ZEB2: variants seen among roughly 807,000 people sequenced by gnomAD.
ZEB2 encodes the protein zinc finger E-box-binding homeobox 2.
ZEB2 carries 6 observed loss-of-function variants against 99.9 expected under a neutral mutation model. The ratio of observed to expected loss-of-function variants is 0.06; its 90% CI spans 0.03 to 0.12. The LOEUF (loss-of-function observed/expected upper bound fraction) is 0.12. Among genes scored for constraint, ZEB2 ranks in the 10% least tolerant of loss-of-function variants. The pLI is 1.00. For missense variants in ZEB2, 969 were observed against 1,502.8 expected, an observed-to-expected ratio of 0.64 and a Z score of 5.87; for synonymous variants, 517 against 542.5, an observed-to-expected ratio of 0.95 and a Z score of 0.65.
At chr2:144,503,778 T>G (rs1165938765) in intron 2 of ZEB2, 2 of 152,202 alleles carry the variant, frequency 1.3e-5, no homozygotes, top group African/African-American at 4.8e-5. Flanking sequence ...TTAGACATCT[T>G]AAGGTTTTGC....
chr2:144,470,175 T>C (rs1375192135), intron 2 of ZEB2, among the ~76,000 whole-genome samples: 1 of 152,188 alleles, frequency 6.6e-6, no homozygotes, highest in Admixed American at 6.5e-5. Context: ...CTATTTAATC[T>C]CTCTCTCTCA....
rs1433021360 is a variant in ZEB2 at position 144,400,227 on chromosome 2, G to A, written c.960C>T (p.Ser320=). The A allele has an allele frequency of 6.2e-7, 1 of 1,612,972 alleles. No individual in the cohort carries two copies. The highest frequency in any genetic ancestry group is 1.1e-5 in the South Asian group (1 of 91,070). ...TGTGCGAACTGTAGGAACCAGAATG[G>A]GAGAAACGTTTCTTGCAGTTTGGGC... ...YECPNCKKRF[S]HSGSYSSHIS... is the part of the protein sequence containing the mutation. The change falls in exon 8 of 10, where the codon TCC becomes TCT. Residue 320 remains serine (S), a synonymous_variant. Transcript: ENST00000627532.
intron 4 of ZEB2, among the ~76,000 whole-genome samples, chr2:144,405,875 T>C (rs1703379706): frequency 6.6e-6 from 1 of 152,234 alleles, no homozygotes; most frequent in Non-Finnish European, 1.5e-5. Context: ...ATTTGAAACC[T>C]CTAGATGTGT....
chr2:144,459,841 C>T (rs551973195), intron 2 of ZEB2, among the ~76,000 whole-genome samples: 3 of 152,094 alleles, frequency 2.0e-5, no homozygotes, highest in Admixed American at 6.6e-5. Context: ...GATCTTGCTA[C>T]GTATGTATTC....
intron 2 of ZEB2, among the ~76,000 whole-genome samples, chr2:144,475,572 G>T (rs890214369): frequency 1.3e-5 from 2 of 151,844 alleles, no homozygotes; most frequent in Non-Finnish European, 2.9e-5. Flanking sequence ...CACCCATCTG[G>T]AATTAAGATT....
At chr2:144,408,885 A>T (rs1703421119) in intron 4 of ZEB2, among the ~76,000 whole-genome samples, 1 of 152,096 alleles carries the variant, frequency 6.6e-6, no homozygotes, top group Non-Finnish European at 1.5e-5. Flanking sequence ...ATTAAATTCA[A>T]TAAATCCCTT....
At chr2:144,511,148 C>T (rs1705031639) in intron 2 of ZEB2, among the ~76,000 whole-genome samples, 1 of 152,192 alleles carries the variant, frequency 6.6e-6, no homozygotes, top group Non-Finnish European at 1.5e-5. Flanking sequence ...CGAAATCAGA[C>T]CAACTTCTAA....
intron 2 of ZEB2, 132 bp downstream of exon 2, chr2:144,517,146 A>G (rs2149934939): frequency 2.0e-6 from 2 of 976,850 alleles, no homozygotes; most frequent in Non-Finnish European, 2.8e-6. Context: ...CCGGCCGCGG[A>G]GGGAGGCTCG....
chr2:144,479,039 T>C (rs1330713703), intron 2 of ZEB2, among the ~76,000 whole-genome samples: 1 of 152,226 alleles, frequency 6.6e-6, no homozygotes, highest in African/African-American at 2.4e-5. Flanking sequence ...ATATTAAAGA[T>C]TATTCCAAAT....
chr2:144,424,229 G>T (rs1029811312), intron 4 of ZEB2: 3 of 368,616 alleles, frequency 8.1e-6, no homozygotes, highest in African/African-American at 2.1e-5. Flanking sequence ...TTAAAAATAA[G>T]TAAACTTGTC....
chr2:144,419,429 T>G (rs1703589679), intron 4 of ZEB2, among the ~76,000 whole-genome samples: 2 of 152,198 alleles, frequency 1.3e-5, no homozygotes, highest in South Asian at 4.1e-4. Flanking sequence ...TAGCCCTTTA[T>G]AACTAGAGGT....
intron 2 of ZEB2, among the ~76,000 whole-genome samples, chr2:144,483,007 G>A (rs985815376): frequency 1.3e-5 from 2 of 151,962 alleles, no homozygotes; most frequent in Non-Finnish European, 2.9e-5. Context: ...TACCAAAAAA[G>A]ATTCTTCATT....
At chr2:144,515,737 TCCA>T (rs1200218646) in intron 2 of ZEB2, among the ~76,000 whole-genome samples, 2 of 148,454 alleles carry the variant, frequency 1.3e-5, no homozygotes, top group Non-Finnish European at 3.0e-5. Context: ...GCTCGACACC[TCCA>T]CCACAACAAG....
chr2:144,453,745 T>C (rs1349967788), intron 2 of ZEB2, among the ~76,000 whole-genome samples: 1 of 152,170 alleles, frequency 6.6e-6, no homozygotes, highest in Non-Finnish European at 1.5e-5. Flanking sequence ...GGGCAATCAG[T>C]GTGGAACTCT....
At chr2:144,512,761 A>G in intron 2 of ZEB2, 1 of 1,287,242 alleles carries the variant, frequency 7.8e-7, no homozygotes, top group Non-Finnish European at 1.0e-6. Flanking sequence ...AAATAAAACA[A>G]ATAGATCAGC....
At chr2:144,401,174 G>A (rs376017904) in intron 7 of ZEB2, 25 bp downstream of exon 7, 67 of 1,599,970 alleles carry the variant, frequency 4.2e-5, no homozygotes, top group African/African-American at 3.7e-4. Context: ...ATGCAAATGC[G>A]AGCTCCAGCA....
chr2:144,393,163 T>C (rs1212187075), intron 9 of ZEB2, among the ~76,000 whole-genome samples: 1 of 152,230 alleles, frequency 6.6e-6, no homozygotes, highest in East Asian at 1.9e-4. Flanking sequence ...AGTCCTTGTT[T>C]GTGACAATTA....
chr2:144,438,032 T>A (rs72858464), intron 2 of ZEB2, among the ~76,000 whole-genome samples: 20,754 of 152,102 alleles, frequency 0.14, 1,572 homozygotes, highest in East Asian at 0.25. Flanking sequence ...TTAAACCACC[T>A]CCCCTCAAAA....
rs1345718927 is a variant in ZEB2, at chr2:144,399,571, C to T, written c.1616G>A (p.Cys539Tyr). The change falls in exon 8 of 10, where the codon TGC (cysteine) becomes TAC (tyrosine). Residue 539 changes from cysteine to tyrosine, a missense_variant. Physicochemically the swap from Cys to Tyr is radical, Grantham distance 194. Around this residue, in one of 8 missense-constraint regions of ZEB2, gnomAD observed 227 missense variants for 278.2 expected, o/e 0.82. Transcript: ENST00000627532. This position sits in a 1 kb window ranked among gnomAD's most constrained non-coding sequence, Gnocchi z 5.6. ...TGAGTCAGTAGTCAAGCTCTGGAGG[C>T]AAGCTTTGGCTTCATTGACTTTTTC... ...TLEKVNEAKA[C>Y]LQSLTTDSRR... The T allele has an allele frequency of 6.2e-7, 1 of 1,614,064 alleles. No individual in the cohort carries two copies. The highest frequency in any genetic ancestry group is 1.7e-5 in the Admixed American group (1 of 60,008).
Sources: allele counts gnomAD v4.1 joint callset (sites outside exome capture counted in the v4.1 genomes callset), GRCh38; gene constraint gnomAD v4.1.1; regional missense constraint gnomAD v4.1.1; non-coding constraint Gnocchi (gnomAD v3.1); transcripts MANE v1.5; gene names NCBI Gene and HGNC (gene_info 2026-07-23, HGNC 2026-07-21).